The following PREP variants were observed in gnomAD, a reference collection of about 807,000 sequenced individuals.
PREP encodes the protein dJ355L5.1 (prolyl endopeptidase).
Under a neutral mutation model 87.6 loss-of-function variants are expected in PREP, and 29 were observed. That is an observed-to-expected ratio of 0.33 (90% CI 0.25 to 0.45). The LOEUF (loss-of-function observed/expected upper bound fraction) is 0.45, where lower values mean the gene tolerates loss of function less well. Among genes scored for constraint, PREP ranks in the 20% least tolerant of loss-of-function variants. PREP has a pLI of 1.00. For synonymous variants in PREP, 337 were observed against 328.6 expected (o/e 1.03, Z -0.28); for missense variants, 695 against 886.5 (o/e 0.78, Z 2.74).
chr6:105,280,113 AAGCAAACAAAATGAAAG>A (rs1161384932), intron 14 of PREP, among the ~76,000 whole-genome samples: 1 of 152,202 alleles, frequency 6.6e-6, no homozygotes, highest in Non-Finnish European at 1.5e-5. Flanking sequence ...TAGCCATAAA[AAGCAAACAAAATGAAAG>A]AGCAAACTTT....
At chr6:105,358,272 T>A (rs867188458) in intron 6 of PREP, among the ~76,000 whole-genome samples, 10 of 152,262 alleles carry the variant, frequency 6.6e-5, no homozygotes, top group Middle Eastern at 3.4e-3. Context: ...GCATTCCTAA[T>A]CATAACAATA....
chr6:105,394,457 T>C (rs1213927147), intron 2 of PREP, among the ~76,000 whole-genome samples: 1 of 152,114 alleles, frequency 6.6e-6, no homozygotes, highest in Non-Finnish European at 1.5e-5. Flanking sequence ...TTCAAATCTG[T>C]GAGTTCAAAA....
At chr6:105,367,206 A>T (rs764326717) in intron 6 of PREP, among the ~76,000 whole-genome samples, 2 of 152,204 alleles carry the variant, frequency 1.3e-5, no homozygotes, top group Non-Finnish European at 2.9e-5. Flanking sequence ...TTTCACTCAG[A>T]TGAAGGTAAA....
intron 6 of PREP, among the ~76,000 whole-genome samples, chr6:105,354,990 A>G (rs1772055520): frequency 1.3e-5 from 2 of 152,270 alleles, no homozygotes; most frequent in Non-Finnish European, 1.5e-5. Flanking sequence ...ATTCAGAGAG[A>G]GGAATACATA....
At chr6:105,290,513 CCCT>C (rs1770279299) in intron 10 of PREP, among the ~76,000 whole-genome samples, 2 of 152,106 alleles carry the variant, frequency 1.3e-5, no homozygotes, top group Admixed American at 1.3e-4. Context: ...CCAGGCTGAC[CCCT>C]CCTCATGTAC....
At position 105,396,863 on chromosome 6, in the gene PREP, C is replaced by G. The variant is rs6904161; in HGVS notation, c.120+990G>C. Among the ~76,000 whole-genome samples the G allele has an allele frequency of 1.6e-3, 247 of 152,150 alleles. 2 individuals carry two copies. Among genetic ancestry groups the G allele is most frequent in the African/African-American group, 5.6e-3 (234 of 41,516 alleles). On this transcript the variant is annotated intron_variant, in intron 2 of 14. Transcript: ENST00000652536. ...ACTTGAGAAACACTATTCCCCCAAC[C>G]AAGCAAACTTAATTAACTACATAAA...
intron 10 of PREP, among the ~76,000 whole-genome samples, chr6:105,294,889 C>T (rs1583039821): frequency 6.6e-6 from 1 of 152,182 alleles, no homozygotes; most frequent in Non-Finnish European, 1.5e-5. Context: ...CTGTCAGCAT[C>T]GCTTGGGCTT....
At position 105,278,672 on chromosome 6, in the gene PREP, C is replaced by G. The variant is rs1346459138; in HGVS notation, c.1839-234G>C. On this transcript the variant is annotated intron_variant, in intron 14 of 14. Coordinates refer to ENST00000652536, the MANE Select transcript of PREP (RefSeq NM_002726.5). The surrounding 1 kb of genome is among the most constrained non-coding windows in gnomAD (Gnocchi z 4.2). ...TGAAAGACTGTAGGAAGGAAGCTCA[C>G]AGGTCTGTTGAAACAACCCAAATCA... Among the ~76,000 whole-genome samples the G allele has an allele frequency of 6.6e-6, 1 of 152,182 alleles. No homozygotes were observed. Among genetic ancestry groups the G allele is most frequent in the Non-Finnish European group, 1.5e-5 (1 of 68,028 alleles).
chr6:105,302,507 CTGCTTGGTCTTCAGGTTCTCCTCG>C (rs1770558639), intron 10 of PREP: 1 of 375,742 alleles, frequency 2.7e-6, no homozygotes, highest in East Asian at 7.2e-5. Flanking sequence ...TCCGCGGCTG[CTGCTTGGTCTTCAGGTTCTCCTCG>C]TGCTTGCTGG....
chr6:105,400,152 GTGTCT>G (rs542745326), intron 1 of PREP, among the ~76,000 whole-genome samples: 186 of 152,284 alleles, frequency 1.2e-3, no homozygotes, highest in Admixed American at 2.3e-3. Context: ...TGAGGTGGAT[GTGTCT>G]TATAGCCACT....
At chr6:105,340,818 T>G (rs1357037463) in intron 7 of PREP, among the ~76,000 whole-genome samples, 2 of 152,124 alleles carry the variant, frequency 1.3e-5, no homozygotes, top group Non-Finnish European at 2.9e-5. Context: ...GGTAAAGGGA[T>G]CAATTCAACA....
intron 6 of PREP, among the ~76,000 whole-genome samples, chr6:105,354,798 G>GTATA (rs149974388): frequency 6.6e-6 from 1 of 151,876 alleles, no homozygotes; most frequent in African/African-American, 2.4e-5. Flanking sequence ...TCCTCTCTAT[G>GTATA]TATATATATA....
intron 7 of PREP, among the ~76,000 whole-genome samples, chr6:105,342,873 A>C (rs1361270081): frequency 6.6e-6 from 1 of 152,252 alleles, no homozygotes; most frequent in African/African-American, 2.4e-5. Context: ...AACGAAATAA[A>C]AGAGGATACA....
intron 14 of PREP, among the ~76,000 whole-genome samples, chr6:105,280,084 T>C (rs1770046071): frequency 6.6e-6 from 1 of 152,160 alleles, no homozygotes; most frequent in Admixed American, 6.5e-5. Flanking sequence ...ATTTTAAGTA[T>C]ATTTCAAACT....
intron 7 of PREP, among the ~76,000 whole-genome samples, chr6:105,341,042 A>G (rs1393016102): frequency 6.6e-6 from 1 of 152,252 alleles, no homozygotes; most frequent in Non-Finnish European, 1.5e-5. Flanking sequence ...AAACAGACCT[A>G]ATAGACATCT....
At chr6:105,325,336 A>C (rs1771125992) in intron 9 of PREP, among the ~76,000 whole-genome samples, 1 of 152,194 alleles carries the variant, frequency 6.6e-6, no homozygotes, top group Non-Finnish European at 1.5e-5. Context: ...AGGGAGCCAA[A>C]ATTCCCAGCT....
rs756824017 is a variant in PREP at position 105,288,732 on chromosome 6, G to GCA, written c.1454+24_1454+25dup. The GCA allele has an allele frequency of 2.9e-5, 46 of 1,611,174 alleles. 1 individual carries two copies. Among genetic ancestry groups the GCA allele is most frequent in the Non-Finnish European group, 8.5e-7 (1 of 1,178,828 alleles). ...ACTATATGGAAAAGATAAAATACTG[G>GCA]CACTCTGAGTGCGTTCCGAGCTCAC... On this transcript the variant is annotated intron_variant, in intron 11 of 14. Transcript: ENST00000652536.
intron 9 of PREP, 84 bp from the exon 10 acceptor site, chr6:105,323,852 C>G: frequency 2.7e-6 from 3 of 1,129,682 alleles, no homozygotes; most frequent in Non-Finnish European, 4.0e-6. Flanking sequence ...CAACCAAATG[C>G]CAGCAATGGC....
intron 7 of PREP, among the ~76,000 whole-genome samples, chr6:105,338,444 G>C (rs757529427): frequency 2.0e-5 from 3 of 152,208 alleles, no homozygotes; most frequent in Non-Finnish European, 4.4e-5. Flanking sequence ...AGCCGAATAG[G>C]AACAGCTCCA....
Sources: gnomAD v4.1 joint callset for allele counts (sites outside exome capture counted in the v4.1 genomes callset) on GRCh38, gnomAD v4.1.1 for gene constraint, Gnocchi (gnomAD v3.1) non-coding constraint, MANE v1.5 for transcripts, NCBI Gene and HGNC (gene_info 2026-07-23, HGNC 2026-07-21) for gene names.